Variants in TNXB observed in about 807,000 individuals in gnomAD.
TNXB encodes tenascin-X.
A neutral mutation model predicts 340.5 loss-of-function variants in TNXB; 183 were observed. The observed-to-expected ratio is 0.54, with a 90% CI of 0.48 to 0.61. The LOEUF (loss-of-function observed/expected upper bound fraction) is 0.61. TNXB is among the 20% of genes least tolerant of loss of function. The pLI is 0.00. For synonymous variants in TNXB, 2,121 were observed against 2,314.5 expected (o/e 0.92, Z 2.40); for missense variants, 4,613 against 5,446.4 (o/e 0.85, Z 4.82).
In TNXB at chr6:32,064,866, G is replaced by A; in HGVS notation, c.6796C>T (p.His2266Tyr). 3.1e-6 allele frequency: 5 copies of A among 1,611,932 alleles called. No individual in the cohort carries two copies. The highest frequency in any genetic ancestry group is 4.2e-6 in the Non-Finnish European group (5 of 1,179,620). ...ACGGGGCCCACGCGCTGGCCACCGT[G>A]GAAGCCGTACAGGTTCATCTTGTAC... ...HKYKMNLYGFHGGQRVGPVSA... is the reference protein window; with the variant it reads ...HKYKMNLYGFYGGQRVGPVSA... The change falls in exon 19 of 44, where the codon CAC (histidine) becomes TAC (tyrosine). Residue 2266 changes from histidine (H) to tyrosine (Y), a missense_variant. Around this residue, in one of 7 missense-constraint regions of TNXB, gnomAD observed 4,327 missense variants for 4,859.4 expected, o/e 0.89. Transcript: ENST00000644971. This position sits in a 1 kb window ranked among gnomAD's most constrained non-coding sequence, Gnocchi z 5.3.
rs1779879711 is a variant in TNXB, at chr6:32,087,820, C to T, written c.2779+965G>A. ...CTCGGCCGTCAGGTTGCCCCAAGGC[C>T]GCCGTGGGGGCTGGGACAGGCTTGG... is the stretch of plus-strand genomic sequence containing the variant. On this transcript the variant is annotated intron_variant, in intron 6 of 43. Transcript: ENST00000644971. This position sits in a 1 kb window ranked among gnomAD's most constrained non-coding sequence, Gnocchi z 9.0. 1 of 506,472 alleles carries T rather than the reference C, an allele frequency of 2.0e-6. No individual in the cohort carries two copies. The highest frequency in any genetic ancestry group is 2.0e-5 in the Admixed American group (1 of 50,694). 31.4% of individuals were successfully genotyped at this position (506,472 alleles called of 1,614,324 possible). A position where few individuals can be genotyped will look rare whatever the true frequency, so the allele number is the denominator to read the frequency against.
chr6:32,048,317 AG>A, intron 29 of TNXB, 45 bp downstream of exon 29: 3 of 1,470,680 alleles, frequency 2.0e-6, no homozygotes, highest in Non-Finnish European at 2.7e-6. Context: ...AGGTGCCACA[AG>A]GGGGCGAAGG....
Position 32,097,257 on chromosome 6 carries a change from C to T in TNXB, c.596G>A (p.Arg199His). The T allele has an allele frequency of 2.5e-6, 4 of 1,611,466 alleles. No individual in the cohort carries two copies. Among genetic ancestry groups the T allele is most frequent in the Non-Finnish European group, 3.4e-6 (4 of 1,178,888 alleles). The change falls in exon 3 of 44, where the codon CGT becomes CAT. Residue 199 changes from arginine (R) to histidine (H), a missense_variant. Arg to His is a conservative substitution (Grantham distance 29). Coordinates refer to ENST00000644971, the MANE Select transcript of TNXB (RefSeq NM_001365276.2). The surrounding 1 kb of genome is among the most constrained non-coding windows in gnomAD (Gnocchi z 5.9). Reference sequence around the variant, plus strand: ...GCCGGGAAAGCACACGCAACGACCACGGACACAGCGACCCTGATCATTGCA... The same window carrying T: ...GCCGGGAAAGCACACGCAACGACCATGGACACAGCGACCCTGATCATTGCA... ...DDCNDQGRCV[R>H]GRCVCFPGYT...
intron 26 of TNXB, 60 bp from the exon 27 acceptor site, chr6:32,050,381 ATG>A: frequency 1.3e-6 from 2 of 1,584,816 alleles, no homozygotes; most frequent in East Asian, 4.5e-5. Context: ...CATAGAAAGG[ATG>A]TGTCACAAAA....
At position 32,080,567 on chromosome 6, in the gene TNXB, A is replaced by G. The variant is rs895561979; in HGVS notation, c.4042+801T>C. On this transcript the variant is annotated intron_variant, in intron 10 of 43. Coordinates refer to ENST00000644971, the MANE Select transcript of TNXB (RefSeq NM_001365276.2). This position sits in a 1 kb window ranked among gnomAD's most constrained non-coding sequence, Gnocchi z 4.3. ...AATTCCAACAGCTCTGTGCAGAGGG[A>G]CTGAAATCCAGCCACCTGACAGAAG... Among the ~76,000 whole-genome samples the G allele has an allele frequency of 6.6e-6, 1 of 152,194 alleles. No individual in the cohort carries two copies. The highest frequency in any genetic ancestry group is 1.5e-5 in the Non-Finnish European group (1 of 68,036).
rs573092961 is a variant in TNXB at position 32,073,961 on chromosome 6, G to A, written c.4376-9C>T. ...CTCTTCTTGTTGTGGGGCTGGGACA[G>A]AGATGGTAGGGGGCTGTTAGTAAAG... On this transcript the variant is annotated splice_polypyrimidine_tract_variant and intron_variant, in intron 11 of 43. Coordinates refer to ENST00000644971, the MANE Select transcript of TNXB (RefSeq NM_001365276.2). The surrounding 1 kb of genome is among the most constrained non-coding windows in gnomAD (Gnocchi z 4.6). 1 of 1,579,206 alleles carries A rather than the reference G, an allele frequency of 6.3e-7. No individual in the cohort carries two copies. Among genetic ancestry groups the A allele is most frequent in the Non-Finnish European group, 8.6e-7 (1 of 1,159,186 alleles).
In TNXB at chr6:32,053,518, C is replaced by T. The variant is rs762160051; in HGVS notation, c.8661G>A (p.Val2887=). The T allele has an allele frequency of 3.7e-6, 6 of 1,613,498 alleles. No homozygotes were observed. The highest frequency in any genetic ancestry group is 1.3e-5 in the African/African-American group (1 of 74,922). The change falls in exon 25 of 44, where the codon GTG becomes GTA. Residue 2887 remains valine (V), a synonymous_variant. Coordinates refer to ENST00000644971, the MANE Select transcript of TNXB (RefSeq NM_001365276.2). ...QYRNGDGQPK[V]VRVPGHEDGV... ...CGTCCTCGTGCCCCGGCACCCGCAC[C>T]ACCTTGGGCTGCCCATCCCCATTCC...
chr6:32,096,742 G>T lies in TNXB; in HGVS notation c.1111C>A (p.Arg371=). ...CCCCGGCAGTCCCTCGGACATGTCC[G>T]CGTGCTGCAGTCCTCGCCTGTGTAC... The part of the protein sequence containing the change: ...PGYTGEDCST[R]TCPRDCRGRG... The change falls in exon 3 of 44, where the codon CGG becomes AGG. Residue 371 remains arginine (R), a synonymous_variant. Transcript: ENST00000644971. 1.3e-6 allele frequency: 2 copies of T among 1,553,170 alleles called. No individual in the cohort carries two copies. Among genetic ancestry groups the T allele is most frequent in the Admixed American group, 1.9e-5 (1 of 51,650 alleles).
At position 32,069,577 on chromosome 6, in the gene TNXB, G is replaced by C. The variant is rs777178557; in HGVS notation, c.5563C>G (p.Pro1855Ala). ...CCAGTAATGGCGACGGCCGAGATGG[G>C]GCCCACACGCTTGCCGTGGTGCAGC... ...YGLHHGKRVG[P>A]ISAVAITAGR... Residue 1855 changes from proline (P) to alanine (A), a missense_variant, in exon 15 of 44, where the codon CCC becomes GCC. Coordinates refer to ENST00000644971, the MANE Select transcript of TNXB (RefSeq NM_001365276.2). The surrounding 1 kb of genome is among the most constrained non-coding windows in gnomAD (Gnocchi z 6.2). 1 of 1,587,116 alleles carries C rather than the reference G, an allele frequency of 6.3e-7. No individual in the cohort carries two copies. Among genetic ancestry groups the C allele is most frequent in the South Asian group, 1.1e-5 (1 of 88,758 alleles).
rs1449151131 is a variant in TNXB at position 32,084,337 on chromosome 6, C to A, written c.3445+76G>T. The A allele has an allele frequency of 7.0e-7, 1 of 1,429,298 alleles. No individual in the cohort carries two copies. The highest frequency in any genetic ancestry group is 2.4e-5 in the Admixed American group (1 of 42,488). The allele number at this position is 1,429,298 out of a possible 1,614,324, so 88.5% of individuals were successfully genotyped here. ...CTCCAGGAAGCCTTCCCGGAGCTCC[C>A]AAAGCAGGTTCCCAAAGCACTGAGA... On this transcript the variant is annotated intron_variant, in intron 8 of 43. Transcript: ENST00000644971. This position sits in a 1 kb window ranked among gnomAD's most constrained non-coding sequence, Gnocchi z 5.5.
Position 32,064,946 on chromosome 6 carries a change from C to A in TNXB, c.6716G>T (p.Arg2239Leu), listed in dbSNP as rs375698113. The A allele has an allele frequency of 6.9e-5, 112 of 1,612,722 alleles. No homozygotes were observed. Among genetic ancestry groups the A allele is most frequent in the Non-Finnish European group, 8.9e-5 (105 of 1,179,888 alleles). ...KNGDGQPKAV[R>L]VPGHEDGVTI... ...GACCCCATCCTCGTGTCCCGGCACC[C>A]GCACCGCCTTGGGCTGCCCGTCCCC... Residue 2239 changes from arginine to leucine, a missense_variant, in exon 19 of 44, where the codon CGG becomes CTG. Physicochemically the swap from Arg to Leu is moderately radical, Grantham distance 102 (BLOSUM62 -2). This residue lies in a region of TNXB where 4,327 missense variants were observed against 4,859.4 expected (regional missense o/e 0.89). Coordinates refer to ENST00000644971, the MANE Select transcript of TNXB (RefSeq NM_001365276.2). The surrounding 1 kb of genome is among the most constrained non-coding windows in gnomAD (Gnocchi z 5.3).
At chr6:32,054,929 G>C (rs568277621) in intron 24 of TNXB, among the ~76,000 whole-genome samples, 5 of 152,286 alleles carry the variant, frequency 3.3e-5, no homozygotes, top group African/African-American at 1.2e-4. Flanking sequence ...TTGTCAGTAG[G>C]ATGGATCAAG....
At position 32,084,902 on chromosome 6, in the gene TNXB, G is replaced by A. The variant is rs368576993; in HGVS notation, c.3149-193C>T. On this transcript the variant is annotated intron_variant, in intron 7 of 43. Coordinates refer to ENST00000644971, the MANE Select transcript of TNXB (RefSeq NM_001365276.2). The surrounding 1 kb of genome is among the most constrained non-coding windows in gnomAD (Gnocchi z 5.5). ...CCTCTCAATCTCTGCTTCTTCCCTT[G>A]TGACAGTTTCTCCATCCCTCACAAG... is the stretch of plus-strand genomic sequence containing the variant. Among the ~76,000 whole-genome samples, 6 of 152,188 alleles carry A rather than the reference G, an allele frequency of 3.9e-5. No individual in the cohort carries two copies. Among genetic ancestry groups the A allele is most frequent in the African/African-American group, 1.4e-4 (6 of 41,510 alleles).
At chr6:32,054,483 C>T (rs1777512002) in intron 24 of TNXB, among the ~76,000 whole-genome samples, 1 of 152,220 alleles carries the variant, frequency 6.6e-6, no homozygotes, top group Non-Finnish European at 1.5e-5. Flanking sequence ...TCTCACACAC[C>T]ATGCTCTTTC....
chr6:32,060,332 C>CAA lies in TNXB; in HGVS notation c.7492+1063_7492+1064dup, dbSNP rs9279480. Among the ~76,000 whole-genome samples the CAA allele has an allele frequency of 7.3e-3, 938 of 129,340 alleles. 31 individuals carry two copies. Among genetic ancestry groups the CAA allele is most frequent in the African/African-American group, 0.026 (895 of 34,786 alleles). The allele number at this position is 129,340 out of a possible 152,430, so 84.9% of individuals were successfully genotyped here. A position where few individuals can be genotyped will look rare whatever the true frequency, so the allele number is the denominator to read the frequency against. ...GGGCGACAAGAGCGAAACTTCATCT[C>CAA]AAAAAAAAAAAAGAAGGAAATAAAT... On this transcript the variant is annotated intron_variant, in intron 21 of 43. Coordinates refer to ENST00000644971, the MANE Select transcript of TNXB (RefSeq NM_001365276.2).
Position 32,064,700 on chromosome 6 carries a change from A to T in TNXB, c.6841+121T>A. 1 of 1,371,662 alleles carries T rather than the reference A, an allele frequency of 7.3e-7. No homozygotes were observed. The highest frequency in any genetic ancestry group is 9.7e-7 in the Non-Finnish European group (1 of 1,032,468). 85.0% of individuals were successfully genotyped at this position (1,371,662 alleles called of 1,614,324 possible). On this transcript the variant is annotated intron_variant, in intron 19 of 43. Coordinates refer to ENST00000644971, the MANE Select transcript of TNXB (RefSeq NM_001365276.2). This position sits in a 1 kb window ranked among gnomAD's most constrained non-coding sequence, Gnocchi z 5.3. ...TCGGAGTGAAGGCACCAGCAGAACCATTCCCAGGAGCTTGGGAGGCTTGGT... is the reference window on the plus strand; with the variant it reads ...TCGGAGTGAAGGCACCAGCAGAACCTTTCCCAGGAGCTTGGGAGGCTTGGT...
chr6:32,043,067 G>A lies in TNXB; in HGVS notation c.11809C>T (p.Arg3937Trp). Residue 3937 changes from arginine (R) to tryptophan (W), a missense_variant, in exon 38 of 44, where the codon CGG becomes TGG. Arg to Trp is a moderately radical substitution (Grantham distance 101, BLOSUM62 -3). Around this residue, in one of 7 missense-constraint regions of TNXB, gnomAD observed 114 missense variants for 104.5 expected, o/e 1.09. Transcript: ENST00000644971. ...ITFTTGLEAP[R>W]DLEAKEVTPR... The stretch of plus-strand genomic sequence containing the variant: ...GTCACTTCCTTGGCCTCCAAGTCCC[G>A]AGGGGCCTCTAGCCCTAGGAGGGAA... 2 of 199,012 alleles carry A rather than the reference G, an allele frequency of 1.0e-5. No individual in the cohort carries two copies. The highest frequency in any genetic ancestry group is 1.7e-5 in the Non-Finnish European group (2 of 114,600). 12.3% of individuals were successfully genotyped at this position (199,012 alleles called of 1,614,324 possible).
In TNXB at chr6:32,082,374, A is replaced by C. The variant is rs1172292496; in HGVS notation, c.3446-48T>G. 1 of 1,523,638 alleles carries C rather than the reference A, an allele frequency of 6.6e-7. No individual in the cohort carries two copies. The highest frequency in any genetic ancestry group is 8.9e-7 in the Non-Finnish European group (1 of 1,129,774). 94.4% of individuals were successfully genotyped at this position (1,523,638 alleles called of 1,614,324 possible). A position where few individuals can be genotyped will look rare whatever the true frequency, so the allele number is the denominator to read the frequency against. On this transcript the variant is annotated intron_variant, in intron 8 of 43. Coordinates refer to ENST00000644971, the MANE Select transcript of TNXB (RefSeq NM_001365276.2). The surrounding 1 kb of genome is among the most constrained non-coding windows in gnomAD (Gnocchi z 5.0). ...AGGGAGAGACTTAGGTCCAAGGAGA[A>C]TGGGGAAGCCAAATCCCACATAGGA...
In TNXB at chr6:32,108,354, TG is replaced by T. The variant is rs998399081; in HGVS notation, c.-9+826del. On this transcript the variant is annotated intron_variant, in intron 1 of 43. Coordinates refer to ENST00000644971, the MANE Select transcript of TNXB (RefSeq NM_001365276.2). This position sits in a 1 kb window ranked among gnomAD's most constrained non-coding sequence, Gnocchi z 4.8. ...CGGGGCGTGTCACGTGTACTGGTGG[TG>T]GGGGGCGGGGGCGGCGAGGTGAGGG... Among the ~76,000 whole-genome samples, 104 of 151,700 alleles carry T rather than the reference TG, an allele frequency of 6.9e-4. No homozygotes were observed. The highest frequency in any genetic ancestry group is 3.4e-3 in the Middle Eastern group (1 of 294).
Sources: gnomAD v4.1 joint callset for allele counts (sites outside exome capture counted in the v4.1 genomes callset) on GRCh38, gnomAD v4.1.1 for gene constraint, gnomAD v4.1.1 regional missense constraint, Gnocchi (gnomAD v3.1) non-coding constraint, MANE v1.5 for transcripts, NCBI Gene and HGNC (gene_info 2026-07-23, HGNC 2026-07-21) for gene names.